BCAS1: variants seen among roughly 807,000 people sequenced by gnomAD.
The protein encoded by BCAS1 is breast carcinoma-amplified sequence 1.
In BCAS1, 46 loss-of-function variants were observed where a neutral mutation model predicts 65.4. That is an observed-to-expected ratio of 0.70 (90% CI 0.55 to 0.90). The LOEUF (loss-of-function observed/expected upper bound fraction) is 0.90, where lower values mean the gene tolerates loss of function less well. Among genes scored for constraint, BCAS1 ranks in the 40% least tolerant of loss-of-function variants. BCAS1 has a pLI of 0.00. For missense variants in BCAS1, 793 were observed against 771.2 expected (o/e 1.03, Z -0.33); for synonymous variants, 298 against 293.5 (o/e 1.02, Z -0.16).
chr20:53,989,981 G>A (rs2090712747), intron 7 of BCAS1, among the ~76,000 whole-genome samples: 1 of 152,132 alleles, frequency 6.6e-6, no homozygotes. Context: ...TTACCTGGTG[G>A]CCCTGCCCAT....
chr20:53,967,473 C>T (rs369251553), intron 9 of BCAS1, among the ~76,000 whole-genome samples: 1 of 152,206 alleles, frequency 6.6e-6, no homozygotes, highest in African/African-American at 2.4e-5. Context: ...ACGTTAGAGA[C>T]GGTAACCATG....
At chr20:54,056,363 C>G (rs550836234) in intron 3 of BCAS1, among the ~76,000 whole-genome samples, 1 of 152,160 alleles carries the variant, frequency 6.6e-6, no homozygotes, top group Admixed American at 6.5e-5. Flanking sequence ...GGACAGAAAC[C>G]AAATACTGCA....
chr20:53,995,533 T>C (rs965256765), intron 5 of BCAS1, among the ~76,000 whole-genome samples: 1 of 151,786 alleles, frequency 6.6e-6, no homozygotes, highest in African/African-American at 2.4e-5. Flanking sequence ...TATTTGCCAC[T>C]TGAGTGGCAA....
At chr20:54,047,002 C>T (rs183429001) in intron 3 of BCAS1, among the ~76,000 whole-genome samples, 1 of 152,286 alleles carries the variant, frequency 6.6e-6, no homozygotes, top group East Asian at 1.9e-4. Flanking sequence ...TGGCTATGGG[C>T]TGGTTCCTAT....
chr20:54,061,671 T>C (rs2092378337), intron 1 of BCAS1, among the ~76,000 whole-genome samples: 1 of 152,220 alleles, frequency 6.6e-6, no homozygotes, highest in African/African-American at 2.4e-5. Flanking sequence ...AGGAATTTAA[T>C]ACATAACCAA....
At chr20:53,984,445 C>G (rs1217151220) in intron 8 of BCAS1, among the ~76,000 whole-genome samples, 1 of 152,222 alleles carries the variant, frequency 6.6e-6, no homozygotes, top group African/African-American at 2.4e-5. Context: ...CAGCTGGATT[C>G]TGGACGACGG....
chr20:53,987,266 T>C (rs986466484), intron 7 of BCAS1, among the ~76,000 whole-genome samples: 2 of 152,254 alleles, frequency 1.3e-5, no homozygotes, highest in Non-Finnish European at 2.9e-5. Flanking sequence ...TTTGTGATAG[T>C]TGATACTGGA....
At chr20:53,971,336 C>G (rs1286792278) in intron 9 of BCAS1, among the ~76,000 whole-genome samples, 2 of 152,200 alleles carry the variant, frequency 1.3e-5, no homozygotes, top group Non-Finnish European at 2.9e-5. Context: ...CTCTACTGAC[C>G]TCAGCAGGAA....
rs538939954 is a variant in BCAS1 at position 54,033,176 on chromosome 20, T to TA, written c.143-4205dup. 9.3e-4 allele frequency among the ~76,000 whole-genome samples: 140 copies of TA among 151,234 alleles called. 2 individuals carry two copies. The highest frequency in any genetic ancestry group is 3.0e-3 in the African/African-American group (126 of 41,444). On this transcript the variant is annotated intron_variant, in intron 3 of 12. Transcript: ENST00000688948. ...GTGTTAAGAGGGAAATTTATAGCACTAAATCCCACATCAAAAAGTTAGAAA... is the reference window on the plus strand; with the variant it reads ...GTGTTAAGAGGGAAATTTATAGCACTAAAATCCCACATCAAAAAGTTAGAAA...
chr20:53,996,036 G>C lies in BCAS1; in HGVS notation c.738C>G (p.Gly246=). The C allele has an allele frequency of 1.2e-6, 2 of 1,603,006 alleles. No homozygotes were observed. Among genetic ancestry groups the C allele is most frequent in the Admixed American group, 1.7e-5 (1 of 58,092 alleles). ...CAAGTTCTTGTCCTTCTTTTTCCTT[G>C]CCGTCAACTATGTCCTAGGGGCAAA... is the stretch of plus-strand genomic sequence containing the variant. ...DVPAGKDIVD[G]KEKEGQELGT... The change falls in exon 5 of 13, where the codon GGC becomes GGG. Residue 246 remains glycine, a synonymous_variant. Transcript: ENST00000688948.
chr20:54,043,018 T>C (rs542738966), intron 3 of BCAS1, among the ~76,000 whole-genome samples: 156 of 152,342 alleles, frequency 1.0e-3, no homozygotes, highest in African/African-American at 3.5e-3. Flanking sequence ...ATCCAGCTTT[T>C]CTTTTTATAT....
intron 12 of BCAS1, among the ~76,000 whole-genome samples, chr20:53,947,597 C>T (rs2089368441): frequency 6.6e-6 from 1 of 152,254 alleles, no homozygotes; most frequent in East Asian, 1.9e-4. Flanking sequence ...AGGTTGACGC[C>T]ACTGTCGCTC....
chr20:54,029,028 T>C, intron 3 of BCAS1, 56 bp from the exon 4 acceptor site: 4 of 1,537,124 alleles, frequency 2.6e-6, no homozygotes, highest in Non-Finnish European at 3.5e-6. Flanking sequence ...ATTCAGGCAC[T>C]AATAATGGAC....
intron 8 of BCAS1, among the ~76,000 whole-genome samples, chr20:53,981,593 AT>A (rs1184590951): frequency 6.9e-6 from 1 of 145,234 alleles, no homozygotes; most frequent in African/African-American, 2.6e-5. Flanking sequence ...GATAGATGTC[AT>A]TGGCCAATTT....
At chr20:53,987,478 T>C (rs77443627) in intron 7 of BCAS1, among the ~76,000 whole-genome samples, 3 of 152,238 alleles carry the variant, frequency 2.0e-5, no homozygotes, top group Non-Finnish European at 1.5e-5. Context: ...AAAGGGTAAG[T>C]ACCCCTCCTC....
chr20:54,057,625 C>T (rs752395376), intron 3 of BCAS1, among the ~76,000 whole-genome samples: 50 of 152,168 alleles, frequency 3.3e-4, no homozygotes, highest in Non-Finnish European at 4.7e-4. Flanking sequence ...AGTCCTAACC[C>T]CCTGTGAATG....
intron 3 of BCAS1, among the ~76,000 whole-genome samples, chr20:54,034,616 G>A (rs957557828): frequency 1.3e-4 from 19 of 151,266 alleles, no homozygotes; most frequent in African/African-American, 4.6e-4. Context: ...ATGAACCAGC[G>A]CTCAAAGAAA....
intron 8 of BCAS1, among the ~76,000 whole-genome samples, chr20:53,983,701 G>A (rs1024723141): frequency 2.0e-5 from 3 of 152,162 alleles, no homozygotes; most frequent in African/African-American, 4.8e-5. Context: ...ATTCATTCCG[G>A]TCCAGTGTGG....
chr20:54,043,996 C>T (rs1180850656), intron 3 of BCAS1, among the ~76,000 whole-genome samples: 1 of 152,178 alleles, frequency 6.6e-6, no homozygotes, highest in East Asian at 1.9e-4. Flanking sequence ...ACTTGAAGCG[C>T]ACCTTACCAT....
Sources: gnomAD v4.1 joint callset for allele counts (sites outside exome capture counted in the v4.1 genomes callset) on GRCh38, gnomAD v4.1.1 for gene constraint, MANE v1.5 for transcripts, NCBI Gene and HGNC (gene_info 2026-07-23, HGNC 2026-07-21) for gene names.